The following DOCK5 variants were observed in gnomAD, a reference collection of about 807,000 sequenced individuals.
The protein encoded by DOCK5 is dedicator of cytokinesis 5.
In DOCK5, 142 loss-of-function variants were observed where a neutral mutation model predicts 251.8. The ratio of observed to expected loss-of-function variants is 0.56; its 90% CI spans 0.49 to 0.65. The LOEUF (loss-of-function observed/expected upper bound fraction) is 0.65, where lower values mean the gene tolerates loss of function less well. Among genes scored for constraint, DOCK5 ranks in the 30% least tolerant of loss-of-function variants. The pLI is 0.00. For missense variants in DOCK5, 2,111 were observed against 2,312.3 expected (o/e 0.91, Z 1.79); for synonymous variants, 842 against 835.5 (o/e 1.01, Z -0.13).
At position 25,210,043 on chromosome 8, in the gene DOCK5, T is replaced by TAAAA. The variant is rs1563309184; in HGVS notation, c.43+25092_43+25093insAAAA. Among the ~76,000 whole-genome samples, 29 of 25,194 alleles carry TAAAA rather than the reference T, an allele frequency of 1.2e-3. 8 individuals carry two copies. The highest frequency in any genetic ancestry group is 2.8e-3 in the African/African-American group (20 of 7,150). 16.5% of individuals were successfully genotyped at this position (25,194 alleles called of 152,430 possible). On this transcript the variant is annotated intron_variant, in intron 1 of 51. Transcript: ENST00000276440. ...ATATATATATATATATAAATGTGTG[T>TAAAA]GTGTGTGTGTGTGTGTGTGTGTGTG...
At chr8:25,391,874 G>A (rs1266071229) in intron 42 of DOCK5, 22 bp from the exon 43 acceptor site, 2 of 1,610,142 alleles carry the variant, frequency 1.2e-6, no homozygotes, top group African/African-American at 1.3e-5. Flanking sequence ...GAAAAATACA[G>A]CATTGCTTTG....
Position 25,336,347 on chromosome 8 carries a change from C to G in DOCK5, c.2301C>G (p.Ile767Met). 5 of 1,613,876 alleles carry G rather than the reference C, an allele frequency of 3.1e-6. No individual in the cohort carries two copies. Among genetic ancestry groups the G allele is most frequent in the Non-Finnish European group, 4.2e-6 (5 of 1,179,828 alleles). ...CCTTGAAGTACTTGTTTAGATTCATCATCCAATCCCGAGTGCTCTACTTGA... is the reference window on the plus strand; with the variant it reads ...CCTTGAAGTACTTGTTTAGATTCATGATCCAATCCCGAGTGCTCTACTTGA... ...LKALKYLFRF[I>M]IQSRVLYLRF... Residue 767 changes from isoleucine (I) to methionine (M), a missense_variant, in exon 22 of 52, where the codon ATC becomes ATG. Physicochemically the swap from Ile to Met is conservative, Grantham distance 10. Coordinates refer to ENST00000276440, the MANE Select transcript of DOCK5 (RefSeq NM_024940.8).
chr8:25,194,738 C>A (rs1452532354), intron 1 of DOCK5, among the ~76,000 whole-genome samples: 1 of 152,196 alleles, frequency 6.6e-6, no homozygotes, highest in Non-Finnish European at 1.5e-5. Flanking sequence ...CAGAACCGCA[C>A]TTTCCCCAGT....
At chr8:25,266,151 G>A (rs772112414) in intron 2 of DOCK5, among the ~76,000 whole-genome samples, 5 of 151,372 alleles carry the variant, frequency 3.3e-5, no homozygotes, top group Non-Finnish European at 5.9e-5. Context: ...GAGATCCTGC[G>A]GACCACTTCA....
intron 28 of DOCK5, 64 bp downstream of exon 28, chr8:25,359,125 T>C: frequency 7.0e-7 from 1 of 1,427,396 alleles, no homozygotes; most frequent in Non-Finnish European, 9.9e-7. Context: ...AAAAAATGAC[T>C]GAAGCTGAGC....
At chr8:25,359,095 G>C (rs1160164112) in intron 28 of DOCK5, 34 bp downstream of exon 28, 1 of 1,582,022 alleles carries the variant, frequency 6.3e-7, no homozygotes, top group East Asian at 2.2e-5. Context: ...GTAACCTGAA[G>C]ACTTCTTAAA....
chr8:25,376,678 A>G (rs1444650794), intron 37 of DOCK5: 1 of 152,928 alleles, frequency 6.5e-6, no homozygotes, highest in African/African-American at 2.4e-5. Flanking sequence ...ATGACTTTCC[A>G]TTTGTTCGAG....
At chr8:25,372,152 G>T (rs1800884397) in intron 34 of DOCK5, among the ~76,000 whole-genome samples, 1 of 152,184 alleles carries the variant, frequency 6.6e-6, no homozygotes, top group Non-Finnish European at 1.5e-5. Context: ...GGAGAATAAA[G>T]ACATAGGAAA....
At chr8:25,258,146 T>C (rs1458350123) in intron 2 of DOCK5, among the ~76,000 whole-genome samples, 1 of 152,008 alleles carries the variant, frequency 6.6e-6, no homozygotes, top group Non-Finnish European at 1.5e-5. Flanking sequence ...GAGGTTTCCT[T>C]GTTTTGCAGT....
rs1302272872 is a variant in DOCK5 at position 25,240,074 on chromosome 8, T to G, written c.44-3600T>G. Among the ~76,000 whole-genome samples, 3 of 152,250 alleles carry G rather than the reference T, an allele frequency of 2.0e-5. No individual in the cohort carries two copies. The South Asian group carries it at 6.2e-4, about 32-fold the overall frequency. On this transcript the variant is annotated intron_variant, in intron 1 of 51. Coordinates refer to ENST00000276440, the MANE Select transcript of DOCK5 (RefSeq NM_024940.8). ...CTGGCAATGTCAAGGACGCCTTTCT[T>G]CCCTGTGGGATATACTGATGGACTG...
intron 30 of DOCK5, among the ~76,000 whole-genome samples, chr8:25,366,174 T>C (rs1800770439): frequency 6.6e-6 from 1 of 152,234 alleles, no homozygotes; most frequent in Admixed American, 6.5e-5. Context: ...TGTGATGGAC[T>C]TCCTTCCTTT....
intron 1 of DOCK5, among the ~76,000 whole-genome samples, chr8:25,194,485 A>C (rs1342021549): frequency 6.6e-6 from 1 of 151,870 alleles, no homozygotes; most frequent in African/African-American, 2.4e-5. Flanking sequence ...CTTTGCCACA[A>C]CTTTAAGTCT....
chr8:25,403,244 G>T (rs1010303866), intron 47 of DOCK5, among the ~76,000 whole-genome samples: 1 of 152,176 alleles, frequency 6.6e-6, no homozygotes, highest in African/African-American at 2.4e-5. Flanking sequence ...GGAAGGTTTT[G>T]CTATTTATTG....
At chr8:25,364,570 A>G in intron 29 of DOCK5, 56 bp from the exon 30 acceptor site, 1 of 1,315,340 alleles carries the variant, frequency 7.6e-7, no homozygotes, top group Non-Finnish European at 1.1e-6. Flanking sequence ...TATAGGTGGG[A>G]AAAGGTTTCA....
intron 26 of DOCK5, among the ~76,000 whole-genome samples, chr8:25,347,153 C>A (rs1040382636): frequency 1.3e-5 from 2 of 152,158 alleles, no homozygotes; most frequent in Non-Finnish European, 2.9e-5. Context: ...ATAGCTAAAC[C>A]GTTAGTTCAC....
intron 1 of DOCK5, among the ~76,000 whole-genome samples, chr8:25,185,386 G>A (rs75726880): frequency 3.2e-4 from 48 of 152,136 alleles, no homozygotes; most frequent in Middle Eastern, 3.4e-3. Context: ...TCTGCCCCCC[G>A]CTTTCGTAGG....
At chr8:25,310,274 A>G in intron 12 of DOCK5, 133 bp from the exon 13 acceptor site, 1 of 875,846 alleles carries the variant, frequency 1.1e-6, no homozygotes, top group Non-Finnish European at 1.6e-6. Context: ...TAAAATTATA[A>G]GTCAACTGGG....
chr8:25,270,059 T>A (rs1157355705), intron 3 of DOCK5, among the ~76,000 whole-genome samples: 1 of 152,224 alleles, frequency 6.6e-6, no homozygotes, highest in Non-Finnish European at 1.5e-5. Context: ...CATGTATGTG[T>A]ACACATACAC....
At chr8:25,331,676 ACCTCT>A (rs972645096) in intron 18 of DOCK5, among the ~76,000 whole-genome samples, 1 of 151,738 alleles carries the variant, frequency 6.6e-6, no homozygotes, top group Non-Finnish European at 1.5e-5. Flanking sequence ...TTCCATTTCT[ACCTCT>A]CCTAAGACAT....
Sources: allele counts gnomAD v4.1 joint callset (sites outside exome capture counted in the v4.1 genomes callset), GRCh38; gene constraint gnomAD v4.1.1; transcripts MANE v1.5; gene names NCBI Gene and HGNC (gene_info 2026-07-23, HGNC 2026-07-21).